The following SLC46A2 variants were observed in gnomAD, a reference collection of about 807,000 sequenced individuals.
SLC46A2 encodes thymic stromal co-transporter.
A neutral mutation model predicts 33.1 loss-of-function variants in SLC46A2; 25 were observed. The ratio of observed to expected loss-of-function variants is 0.76; its 90% CI spans 0.55 to 1.06. The LOEUF (loss-of-function observed/expected upper bound fraction) is 1.06, where lower values mean the gene tolerates loss of function less well. Ranked by LOEUF, SLC46A2 falls within the 50% of genes least tolerant of loss-of-function variation. The pLI, the probability that SLC46A2 is intolerant of heterozygous loss-of-function variation, is 0.00. For synonymous variants in SLC46A2, 254 were observed against 275.9 expected (o/e 0.92, Z 0.79); for missense variants, 622 against 621.7 (o/e 1.00, Z 0.00).
At chr9:112,882,848 AG>A (rs1481939708) in intron 3 of SLC46A2, among the ~76,000 whole-genome samples, 5 of 152,154 alleles carry the variant, frequency 3.3e-5, no homozygotes, top group Admixed American at 6.5e-5. Context: ...GAAGTACTTT[AG>A]GTTGCTTAGA....
In SLC46A2 at chr9:112,890,492, C is replaced by T; in HGVS notation, c.190G>A (p.Gly64Arg). 6.2e-7 allele frequency: 1 copy of T among 1,614,198 alleles called. No individual in the cohort carries two copies. The highest frequency in any genetic ancestry group is 8.5e-7 in the Non-Finnish European group (1 of 1,180,030). Residue 64 changes from glycine (G) to arginine (R), a missense_variant, in exon 1 of 4, where the codon GGG (glycine) becomes AGG (arginine). Transcript: ENST00000374228. This position sits in a 1 kb window ranked among gnomAD's most constrained non-coding sequence, Gnocchi z 6.0. ...SNHSASPSPR[G>R]ALEDQQQRAI... is the part of the protein sequence containing the mutation. ...CTCTGCTGTTGGTCCTCTAGAGCCC[C>T]CCGGGGCGATGGGCTGGCACTGTGG...
rs1841715113 is a variant in SLC46A2, at chr9:112,890,402, A to G, written c.280T>C (p.Tyr94His). Residue 94 changes from tyrosine (Y) to histidine (H), a missense_variant, in exon 1 of 4, where the codon TAC (tyrosine) becomes CAC (histidine). Physicochemically the swap from Tyr to His is moderately conservative, Grantham distance 83. Transcript: ENST00000374228. The surrounding 1 kb of genome is among the most constrained non-coding windows in gnomAD (Gnocchi z 6.0). ...CGGTCGCTGAGCCATCCCAGCCCGT[A>G]GGCGGACAGCAGGGGGGACAGGCCC... is the stretch of plus-strand genomic sequence containing the variant. ...VVGLSPLLSA[Y>H]GLGWLSDRYH... 1 of 1,614,092 alleles carries G rather than the reference A, an allele frequency of 6.2e-7. No individual in the cohort carries two copies. The highest frequency in any genetic ancestry group is 1.7e-5 in the Admixed American group (1 of 60,012).
Position 112,890,662 on chromosome 9 carries a change from C to T in SLC46A2, c.20G>A (p.Cys7Tyr), listed in dbSNP as rs758493324. The change falls in exon 1 of 4, where the codon TGC (cysteine) becomes TAC (tyrosine). Residue 7 changes from cysteine (C) to tyrosine (Y), a missense_variant. Coordinates refer to ENST00000374228, the MANE Select transcript of SLC46A2 (RefSeq NM_033051.4). This position sits in a 1 kb window ranked among gnomAD's most constrained non-coding sequence, Gnocchi z 6.0. MSPEVT[C>Y]PRRGHLPRFH... ...GCGAGGCAGGTGGCCCCTCCGCGGG[C>T]AGGTGACCTCGGGGCTCATGTGACC... 42 of 1,597,482 alleles carry T rather than the reference C, an allele frequency of 2.6e-5. No homozygotes were observed. Among genetic ancestry groups the T allele is most frequent in the Non-Finnish European group, 3.5e-5 (41 of 1,179,208 alleles).
At position 112,890,620 on chromosome 9, in the gene SLC46A2, C is replaced by G. The variant is rs994271300; in HGVS notation, c.62G>C (p.Trp21Ser). ...GHLPRFHPRT[W>S]VEPVVASSQV... ...GGACGAGGCCACCACGGGCTCAACC[C>G]AGGTCCTCGGGTGGAAGCGAGGCAG... Residue 21 changes from tryptophan (W) to serine (S), a missense_variant, in exon 1 of 4, where the codon TGG becomes TCG. Transcript: ENST00000374228. The surrounding 1 kb of genome is among the most constrained non-coding windows in gnomAD (Gnocchi z 6.0). 4 of 1,605,682 alleles carry G rather than the reference C, an allele frequency of 2.5e-6. No individual in the cohort carries two copies. The highest frequency in any genetic ancestry group is 1.7e-5 in the Admixed American group (1 of 60,016).
At position 112,888,825 on chromosome 9, in the gene SLC46A2, A is replaced by G. The variant is rs1307351103; in HGVS notation, c.1129+728T>C. 7.3e-5 allele frequency among the ~76,000 whole-genome samples: 11 copies of G among 151,470 alleles called. 1 individual carries two copies. ...CCCTTGCTTGACTCCAAATGATTTT[A>G]ATTAAGGGATCTTTTCAGTAGAATT... On this transcript the variant is annotated intron_variant, in intron 1 of 3. Transcript: ENST00000374228.
chr9:112,889,877 G>A lies in SLC46A2; in HGVS notation c.805C>T (p.His269Tyr). Residue 269 changes from histidine (H) to tyrosine (Y), a missense_variant, in exon 1 of 4, where the codon CAC (histidine) becomes TAC (tyrosine). His to Tyr is a moderately conservative substitution (Grantham distance 83). Transcript: ENST00000374228. The stretch of plus-strand genomic sequence containing the variant: ...TTTGCTTTTCCAGGAGATGGAGGGT[G>A]CCCCACTGCATACTGTTGGTCCAAC... ...DQLDQQYAVG[H>Y]PPSPGKAKPH... is the part of the protein sequence containing the mutation. 3 of 1,614,246 alleles carry A rather than the reference G, an allele frequency of 1.9e-6. No individual in the cohort carries two copies. Among genetic ancestry groups the A allele is most frequent in the Non-Finnish European group, 2.5e-6 (3 of 1,180,034 alleles).
Position 112,886,636 on chromosome 9 carries a change from T to G in SLC46A2, c.1214-20A>C. On this transcript the variant is annotated intron_variant, in intron 2 of 3. Coordinates refer to ENST00000374228, the MANE Select transcript of SLC46A2 (RefSeq NM_033051.4). ...CCTTTCCTGTGGAAGGGACAGAGGT[T>G]ACTCCGGAGTGCCTTGCTGTCCCTG... 1.2e-6 allele frequency: 2 copies of G among 1,613,298 alleles called. No individual in the cohort carries two copies. The highest frequency in any genetic ancestry group is 1.7e-6 in the Non-Finnish European group (2 of 1,179,680).
Position 112,879,732 on chromosome 9 carries a change from G to A in SLC46A2, c.*30C>T. 1 of 1,601,468 alleles carries A rather than the reference G, an allele frequency of 6.2e-7. No individual in the cohort carries two copies. The highest frequency in any genetic ancestry group is 8.6e-7 in the Non-Finnish European group (1 of 1,169,182). On this transcript the variant is annotated 3_prime_UTR_variant, in exon 4 of 4. Coordinates refer to ENST00000374228, the MANE Select transcript of SLC46A2 (RefSeq NM_033051.4). ...GTCTTCTGGGGGCCTGGCCATGGCTGATGTTTTCAGTTCCTGCAGGTAAGC... is the reference window on the plus strand; with the variant it reads ...GTCTTCTGGGGGCCTGGCCATGGCTAATGTTTTCAGTTCCTGCAGGTAAGC...
chr9:112,886,741 T>G, intron 2 of SLC46A2, 125 bp from the exon 3 acceptor site: 1 of 1,006,234 alleles, frequency 9.9e-7, no homozygotes, highest in Non-Finnish European at 1.4e-6. Context: ...TCTCTTTTTT[T>G]AGAGACAGAG....
chr9:112,881,045 G>T (rs949297059), intron 3 of SLC46A2, among the ~76,000 whole-genome samples: 5 of 152,180 alleles, frequency 3.3e-5, no homozygotes, highest in Non-Finnish European at 7.3e-5. Context: ...ATTGCAAGCA[G>T]AATTAGCTGC....
intron 2 of SLC46A2, among the ~76,000 whole-genome samples, chr9:112,886,843 G>C (rs1199769851): frequency 1.3e-5 from 2 of 152,144 alleles, no homozygotes; most frequent in Non-Finnish European, 1.5e-5. Flanking sequence ...TCCTGCCTCA[G>C]CCTCCCGAGT....
intron 3 of SLC46A2, among the ~76,000 whole-genome samples, chr9:112,884,716 T>C (rs752610277): frequency 2.6e-5 from 4 of 152,238 alleles, no homozygotes; most frequent in Non-Finnish European, 5.9e-5. Context: ...CTTACCTGCA[T>C]AAGCGCTCAA....
intron 3 of SLC46A2, chr9:112,880,083 C>A: frequency 3.0e-6 from 1 of 332,224 alleles, no homozygotes; most frequent in Non-Finnish European, 5.6e-6. Flanking sequence ...GTAATCCCAA[C>A]AGTTTGGGAG....
Position 112,890,833 on chromosome 9 carries a change from C to CGCGAGTGTGCTCCGTGCGCCGGGAGT in SLC46A2, c.-153_-152insACTCCCGGCGCACGGAGCACACTCGC. ...GCGAGTGTGCTCCGTGCGCCGGGAG[C>CGCGAGTGTGCTCCGTGCGCCGGGAGT]GCGCCGGCCAGTGGCGAGCAGAGCC... On this transcript the variant is annotated 5_prime_UTR_variant, in exon 1 of 4. Coordinates refer to ENST00000374228, the MANE Select transcript of SLC46A2 (RefSeq NM_033051.4). This position sits in a 1 kb window ranked among gnomAD's most constrained non-coding sequence, Gnocchi z 6.0. The CGCGAGTGTGCTCCGTGCGCCGGGAGT allele has an allele frequency of 1.1e-6, 1 of 883,218 alleles. No individual in the cohort carries two copies. Among genetic ancestry groups the CGCGAGTGTGCTCCGTGCGCCGGGAGT allele is most frequent in the Non-Finnish European group, 1.6e-6 (1 of 616,590 alleles). 54.7% of individuals were successfully genotyped at this position (883,218 alleles called of 1,614,324 possible).
rs755183777 is a variant in SLC46A2 at position 112,886,612 on chromosome 9, C to T, written c.1218G>A (p.Lys406=). The change falls in exon 3 of 4, where the codon AAG becomes AAA. Residue 406 remains lysine, a synonymous_variant. Coordinates refer to ENST00000374228, the MANE Select transcript of SLC46A2 (RefSeq NM_033051.4). ...AGGACAGCTGCAGTATGACGAACAC[C>T]TTTCCTGTGGAAGGGACAGAGGTTA... ...SKLIKGSSYG[K]VFVILQLSLA... 9 of 1,613,940 alleles carry T rather than the reference C, an allele frequency of 5.6e-6. No homozygotes were observed. Among genetic ancestry groups the T allele is most frequent in the South Asian group, 1.1e-5 (1 of 91,054 alleles).
intron 3 of SLC46A2, among the ~76,000 whole-genome samples, chr9:112,883,132 G>A (rs543712492): frequency 6.6e-6 from 1 of 152,324 alleles, no homozygotes; most frequent in East Asian, 1.9e-4. Context: ...AGTTGAGCAG[G>A]GGGAACCAAT....
chr9:112,886,722 C>G (rs532049714), intron 2 of SLC46A2, 106 bp from the exon 3 acceptor site: 3 of 1,109,770 alleles, frequency 2.7e-6, no homozygotes, highest in Non-Finnish European at 2.6e-6. Context: ...TTCTTACTCT[C>G]TCTCTCTCTC....
rs1841551569 is a variant in SLC46A2 at position 112,879,447 on chromosome 9, G to T, written c.*315C>A. ...AGGCTCGCTGTAGCTGGAGTCTGAA[G>T]CCCCTCACAGGGCCTGGGACTGCTG... On this transcript the variant is annotated 3_prime_UTR_variant, in exon 4 of 4. Coordinates refer to ENST00000374228, the MANE Select transcript of SLC46A2 (RefSeq NM_033051.4). The T allele has an allele frequency of 3.6e-6, 1 of 281,210 alleles. No homozygotes were observed. The allele number at this position is 281,210 out of a possible 1,614,324, so 17.4% of individuals were successfully genotyped here. A position where few individuals can be genotyped will look rare whatever the true frequency, so the allele number is the denominator to read the frequency against.
intron 3 of SLC46A2, 54 bp from the exon 4 acceptor site, chr9:112,879,873 G>T: frequency 6.6e-7 from 1 of 1,515,504 alleles, no homozygotes; most frequent in Non-Finnish European, 9.2e-7. Flanking sequence ...TGGGGTAAAG[G>T]TGAAACTGCC....
Sources: gnomAD v4.1 joint callset for allele counts (sites outside exome capture counted in the v4.1 genomes callset) on GRCh38, gnomAD v4.1.1 for gene constraint, Gnocchi (gnomAD v3.1) non-coding constraint, MANE v1.5 for transcripts, NCBI Gene and HGNC (gene_info 2026-07-23, HGNC 2026-07-21) for gene names.